The following NEGR1 variants were observed in gnomAD, a reference collection of about 807,000 sequenced individuals.
The protein encoded by NEGR1 is neuronal growth regulator 1, also known as IgLON family member 4.
A neutral mutation model predicts 40.9 loss-of-function variants in NEGR1; 10 were observed. The ratio of observed to expected loss-of-function variants is 0.24; its 90% CI spans 0.15 to 0.42. The LOEUF is 0.42. Among genes scored for constraint, NEGR1 ranks in the 10% least tolerant of loss-of-function variants. The probability of loss-of-function intolerance (pLI) is 1.00; values close to 1 mark genes in which losing one functional copy is unlikely to be tolerated. For synonymous variants in NEGR1, 185 were observed against 166.8 expected (o/e 1.11, Z -0.84); for missense variants, 352 against 438.9 (o/e 0.80, Z 1.77).
intron 2 of NEGR1, among the ~76,000 whole-genome samples, chr1:71,885,236 A>G (rs11209863): frequency 0.19 from 28,804 of 152,144 alleles, 3,623 homozygotes; most frequent in East Asian, 0.49. Flanking sequence ...TCTCCAAGGT[A>G]CCTTCCTTTT....
chr1:71,466,874 A>C (rs1646749547), intron 6 of NEGR1, among the ~76,000 whole-genome samples: 1 of 152,144 alleles, frequency 6.6e-6, no homozygotes, highest in African/African-American at 2.4e-5. Context: ...AGCAGAGCTT[A>C]AATCCAGCTC....
At chr1:71,992,817 T>A (rs1454900473) in intron 1 of NEGR1, among the ~76,000 whole-genome samples, 1 of 152,162 alleles carries the variant, frequency 6.6e-6, no homozygotes, top group Admixed American at 6.5e-5. Flanking sequence ...AAACTGAGTT[T>A]TTAAAATCTG....
intron 6 of NEGR1, among the ~76,000 whole-genome samples, chr1:71,443,354 T>C (rs2101316293): frequency 6.6e-6 from 1 of 152,360 alleles, no homozygotes. Context: ...CATTATTTCC[T>C]GTATTACTTA....
chr1:72,262,028 G>A (rs1202832345), intron 1 of NEGR1, among the ~76,000 whole-genome samples: 2 of 151,904 alleles, frequency 1.3e-5, no homozygotes, highest in East Asian at 3.9e-4. Context: ...TAAAAAGAAG[G>A]GAAGAAAGAC....
intron 1 of NEGR1, among the ~76,000 whole-genome samples, chr1:72,082,025 T>C (rs1489718392): frequency 6.6e-6 from 1 of 152,112 alleles, no homozygotes; most frequent in Non-Finnish European, 1.5e-5. Context: ...AAAGACAATA[T>C]TAAATACCAG....
chr1:71,979,777 C>T (rs745987543), intron 1 of NEGR1, among the ~76,000 whole-genome samples: 8 of 151,836 alleles, frequency 5.3e-5, no homozygotes, highest in Non-Finnish European at 1.0e-4. Context: ...TGTACAAGGG[C>T]TAAAAAATCA....
chr1:72,248,726 G>T (rs980514881), intron 1 of NEGR1, among the ~76,000 whole-genome samples: 3 of 150,738 alleles, frequency 2.0e-5, no homozygotes, highest in African/African-American at 7.3e-5. Flanking sequence ...GGGACTACAG[G>T]TGAGCACCAA....
Position 71,414,804 on chromosome 1 carries a change from C to T in NEGR1, c.941-7234G>A, listed in dbSNP as rs1217701539. Among the ~76,000 whole-genome samples the T allele has an allele frequency of 1.9e-4, 29 of 152,152 alleles. 1 individual carries two copies. Among genetic ancestry groups the T allele is most frequent in the Admixed American group, 1.8e-3 (28 of 15,262 alleles). On this transcript the variant is annotated intron_variant, in intron 6 of 6. Transcript: ENST00000357731. ...TGGTAGGGACCAATGTAGAGATTTT[C>T]TGTCTGTTTGTTTACTAAACACACC...
chr1:71,982,197 C>T (rs550243841), intron 1 of NEGR1, among the ~76,000 whole-genome samples: 2 of 152,146 alleles, frequency 1.3e-5, no homozygotes, highest in East Asian at 3.9e-4. Flanking sequence ...TTTACAAATC[C>T]AAACCAAGGC....
chr1:71,468,390 A>C (rs896794381), intron 6 of NEGR1: 2 of 152,040 alleles, frequency 1.3e-5, no homozygotes, highest in Non-Finnish European at 2.9e-5. Flanking sequence ...TTAGATGAGC[A>C]AAAAGCTGAG....
chr1:71,546,740 C>A (rs910044696), intron 6 of NEGR1, among the ~76,000 whole-genome samples: 5 of 151,538 alleles, frequency 3.3e-5, no homozygotes, highest in African/African-American at 9.7e-5. Context: ...GACTCTGGAG[C>A]CTGTGTACTT....
At chr1:71,610,937 G>C (rs1401261343) in intron 5 of NEGR1, 89 bp downstream of exon 5, 5 of 1,360,712 alleles carry the variant, frequency 3.7e-6, no homozygotes, top group Non-Finnish European at 5.1e-6. Context: ...ATTCAAGCCA[G>C]TTAAAGAAAT....
chr1:71,787,098 G>T (rs1460902477), intron 2 of NEGR1, among the ~76,000 whole-genome samples: 3 of 152,188 alleles, frequency 2.0e-5, no homozygotes, highest in Non-Finnish European at 4.4e-5. Flanking sequence ...TCCCAGTGAG[G>T]CCTCAAATAT....
intron 1 of NEGR1, among the ~76,000 whole-genome samples, chr1:72,241,086 T>C (rs1437119445): frequency 6.6e-6 from 1 of 151,848 alleles, no homozygotes; most frequent in East Asian, 1.9e-4. Flanking sequence ...TTTAACTTGA[T>C]GGAGCTTATG....
intron 1 of NEGR1, among the ~76,000 whole-genome samples, chr1:72,243,891 G>A (rs981950028): frequency 7.3e-5 from 11 of 151,656 alleles, no homozygotes; most frequent in African/African-American, 2.7e-4. Context: ...TCTGCTATTA[G>A]AATATACTTG....
At chr1:71,923,406 CA>C (rs1570507230) in intron 2 of NEGR1, among the ~76,000 whole-genome samples, 1 of 151,990 alleles carries the variant, frequency 6.6e-6, no homozygotes, top group East Asian at 1.9e-4. Context: ...CACACACTCA[CA>C]TGGCCAAAAT....
chr1:72,242,865 C>T (rs974195786), intron 1 of NEGR1, among the ~76,000 whole-genome samples: 2 of 151,506 alleles, frequency 1.3e-5, no homozygotes, highest in Non-Finnish European at 3.0e-5. Context: ...GTCGGCCCTG[C>T]ACTATAGCAT....
At chr1:71,699,538 T>C (rs563510504) in intron 3 of NEGR1, among the ~76,000 whole-genome samples, 10 of 152,016 alleles carry the variant, frequency 6.6e-5, no homozygotes, top group South Asian at 2.1e-4. Context: ...CTGTAAAACC[T>C]ACTGAAATAT....
intron 1 of NEGR1, among the ~76,000 whole-genome samples, chr1:72,204,247 T>C (rs1056501302): frequency 3.9e-5 from 6 of 152,080 alleles, no homozygotes; most frequent in African/African-American, 1.4e-4. Context: ...GATTATTCAA[T>C]TGGTTCCTTG....
Sources: allele counts gnomAD v4.1 joint callset (sites outside exome capture counted in the v4.1 genomes callset), GRCh38; gene constraint gnomAD v4.1.1; transcripts MANE v1.5; gene names NCBI Gene and HGNC (gene_info 2026-07-23, HGNC 2026-07-21).